Variants in UBE2G1 observed in about 807,000 individuals in gnomAD.
UBE2G1 encodes ubiquitin-conjugating enzyme E2 G1.
Under a neutral mutation model 22.7 loss-of-function variants are expected in UBE2G1, and 5 were observed. That is an observed-to-expected ratio of 0.22 (90% CI 0.12 to 0.46). The LOEUF is 0.46. Among genes scored for constraint, UBE2G1 ranks in the 20% least tolerant of loss-of-function variants. The probability of loss-of-function intolerance (pLI) is 0.99; values close to 1 mark genes in which losing one functional copy is unlikely to be tolerated. For synonymous variants in UBE2G1, 74 were observed against 67.5 expected, an observed-to-expected ratio of 1.10 and a Z score of -0.47; for missense variants, 88 against 203.9, an observed-to-expected ratio of 0.43 and a Z score of 3.46.
chr17:4,334,283 T>C (rs1365592189), intron 1 of UBE2G1, among the ~76,000 whole-genome samples: 3 of 151,798 alleles, frequency 2.0e-5, no homozygotes, highest in Non-Finnish European at 4.4e-5. Context: ...AAAAAAAAAA[T>C]CTTTGGGAAA....
At chr17:4,293,825 A>G (rs900491274) in intron 3 of UBE2G1, among the ~76,000 whole-genome samples, 1 of 152,194 alleles carries the variant, frequency 6.6e-6, no homozygotes. Context: ...AGTCAAGTCA[A>G]AGAAACTAAA....
At chr17:4,288,428 GT>G (rs1968996498) in intron 4 of UBE2G1, among the ~76,000 whole-genome samples, 1 of 151,986 alleles carries the variant, frequency 6.6e-6, no homozygotes, top group African/African-American at 2.4e-5. Context: ...GGGTTTCACC[GT>G]GTTAGCCAGG....
At chr17:4,276,700 C>A (rs967032879) in intron 5 of UBE2G1, among the ~76,000 whole-genome samples, 5 of 152,090 alleles carry the variant, frequency 3.3e-5, no homozygotes, top group African/African-American at 7.2e-5. Context: ...TTACGCAATC[C>A]GTAGTACTTA....
intron 5 of UBE2G1, among the ~76,000 whole-genome samples, chr17:4,275,866 T>TC (rs962970509): frequency 1.2e-4 from 18 of 152,104 alleles, no homozygotes; most frequent in Non-Finnish European, 2.6e-4. Flanking sequence ...GCTGACTTTT[T>TC]CCCCCACACT....
At chr17:4,335,681 A>G (rs543696979) in intron 1 of UBE2G1, among the ~76,000 whole-genome samples, 1 of 152,346 alleles carries the variant, frequency 6.6e-6, no homozygotes, top group Admixed American at 6.5e-5. Context: ...GCATATTTCA[A>G]TCAATGGTAC....
chr17:4,315,745 A>C lies in UBE2G1; in HGVS notation c.47-8622T>G, dbSNP rs191317505. On this transcript the variant is annotated intron_variant, in intron 1 of 5. Coordinates refer to ENST00000396981, the MANE Select transcript of UBE2G1 (RefSeq NM_003342.5). The stretch of plus-strand genomic sequence containing the variant: ...AAAGAGCGAGACTCCATCTCAAAAA[A>C]ACAAAAAACAAAAAACAAAAACAAA... Among the ~76,000 whole-genome samples, 5 of 132,254 alleles carry C rather than the reference A, an allele frequency of 3.8e-5. No homozygotes were observed. In the East Asian group the frequency reaches 7.9e-4, roughly 21 times the overall value. The allele number at this position is 132,254 out of a possible 152,430, so 86.8% of individuals were successfully genotyped here.
intron 1 of UBE2G1, among the ~76,000 whole-genome samples, chr17:4,349,226 A>C (rs1323390586): frequency 6.6e-6 from 1 of 152,160 alleles, no homozygotes; most frequent in East Asian, 1.9e-4. Flanking sequence ...ATGCTGAGGC[A>C]GGAGAATTGC....
intron 1 of UBE2G1, chr17:4,345,486 C>T (rs1969757865): frequency 6.6e-6 from 1 of 152,152 alleles, no homozygotes; most frequent in South Asian, 2.1e-4. Context: ...TACAAATATT[C>T]CCTATACATA....
At position 4,269,290 on chromosome 17, in the gene UBE2G1, T is replaced by C. The variant is rs1189298867; in HGVS notation, c.*3264A>G. 1 of 152,568 alleles carries C rather than the reference T, an allele frequency of 6.6e-6. No individual in the cohort carries two copies. Among genetic ancestry groups the C allele is most frequent in the East Asian group, 1.9e-4 (1 of 5,198 alleles). The allele number at this position is 152,568 out of a possible 1,614,324, so 9.5% of individuals were successfully genotyped here. A position where few individuals can be genotyped will look rare whatever the true frequency, so the allele number is the denominator to read the frequency against. ...CTCTAAGTCATCATTTATTGATTTATAGAGCACTCATCACATGAATGAGGT... is the reference window on the plus strand; with the variant it reads ...CTCTAAGTCATCATTTATTGATTTACAGAGCACTCATCACATGAATGAGGT... On this transcript the variant is annotated 3_prime_UTR_variant, in exon 6 of 6. Transcript: ENST00000396981.
At chr17:4,315,603 G>A (rs1969357740) in intron 1 of UBE2G1, among the ~76,000 whole-genome samples, 1 of 151,292 alleles carries the variant, frequency 6.6e-6, no homozygotes, top group Non-Finnish European at 1.5e-5. Context: ...AGCCGGGCGT[G>A]GTGGCGGGCG....
intron 4 of UBE2G1, among the ~76,000 whole-genome samples, chr17:4,283,336 A>C (rs776394275): frequency 5.3e-5 from 8 of 152,042 alleles, no homozygotes; most frequent in Non-Finnish European, 1.2e-4. Context: ...TATGGTGAGA[A>C]TAAAAGTACA....
At chr17:4,329,650 T>C (rs1394049918) in intron 1 of UBE2G1, among the ~76,000 whole-genome samples, 1 of 152,158 alleles carries the variant, frequency 6.6e-6, no homozygotes, top group Non-Finnish European at 1.5e-5. Flanking sequence ...ATATTTAAAA[T>C]GTAAGACATT....
intron 1 of UBE2G1, among the ~76,000 whole-genome samples, chr17:4,312,581 A>T (rs976295226): frequency 2.6e-5 from 4 of 151,316 alleles, no homozygotes; most frequent in African/African-American, 9.7e-5. Context: ...CTGTAGTCCC[A>T]GCTACTCGGG....
chr17:4,340,134 T>C (rs1969694982), intron 1 of UBE2G1, among the ~76,000 whole-genome samples: 1 of 152,100 alleles, frequency 6.6e-6, no homozygotes, highest in South Asian at 2.1e-4. Context: ...TTGCCCAGGC[T>C]GGTCTCAAAT....
chr17:4,298,057 T>C (rs2143713485), intron 2 of UBE2G1, among the ~76,000 whole-genome samples: 1 of 152,334 alleles, frequency 6.6e-6, no homozygotes, highest in East Asian at 1.9e-4. Flanking sequence ...AAGGAAAATA[T>C]CTACCAAGAA....
chr17:4,274,250 T>C (rs1035462209), intron 5 of UBE2G1, among the ~76,000 whole-genome samples: 1 of 128,254 alleles, frequency 7.8e-6, no homozygotes, highest in Admixed American at 8.5e-5. Context: ...CAGGCTGGAG[T>C]GCAGTGGCGC....
chr17:4,295,982 C>T (rs1969105307), intron 3 of UBE2G1, among the ~76,000 whole-genome samples: 1 of 148,410 alleles, frequency 6.7e-6, no homozygotes, highest in Non-Finnish European at 1.5e-5. Context: ...TTTCATATGA[C>T]ACTGCCAGTA....
chr17:4,362,716 C>G (rs1221526754), intron 1 of UBE2G1, among the ~76,000 whole-genome samples: 4 of 152,152 alleles, frequency 2.6e-5, no homozygotes, highest in African/African-American at 9.7e-5. Context: ...AAAAATTAGC[C>G]TGGCGTGGTA....
intron 4 of UBE2G1, among the ~76,000 whole-genome samples, chr17:4,287,437 A>G (rs1968978093): frequency 6.6e-6 from 1 of 152,098 alleles, no homozygotes; most frequent in South Asian, 2.1e-4. Flanking sequence ...CTGATAGTTG[A>G]GCATGAACCA....
Sources: allele counts gnomAD v4.1 joint callset (sites outside exome capture counted in the v4.1 genomes callset), GRCh38; gene constraint gnomAD v4.1.1; transcripts MANE v1.5; gene names NCBI Gene and HGNC (gene_info 2026-07-23, HGNC 2026-07-21).